Variants in FYCO1 observed in about 807,000 individuals in gnomAD.
The protein encoded by FYCO1 is FYVE and coiled-coil domain-containing protein 1.
A neutral mutation model predicts 165.1 loss-of-function variants in FYCO1; 122 were observed. That is an observed-to-expected ratio of 0.74 (90% CI 0.64 to 0.86). The LOEUF is 0.86. Ranked by LOEUF, FYCO1 falls within the 40% of genes least tolerant of loss-of-function variation. FYCO1 has a pLI of 0.00. For synonymous variants in FYCO1, 648 were observed against 742.5 expected, an observed-to-expected ratio of 0.87 and a Z score of 2.07; for missense variants, 1,702 against 1,810.3, an observed-to-expected ratio of 0.94 and a Z score of 1.09.
At chr3:45,948,675 T>A (rs1157735305) in intron 14 of FYCO1, among the ~76,000 whole-genome samples, 1 of 152,202 alleles carries the variant, frequency 6.6e-6, no homozygotes, top group East Asian at 1.9e-4. Flanking sequence ...GGCTTATGTA[T>A]CCCAAAATCA....
At chr3:45,977,404 T>A (rs1466239598) in intron 4 of FYCO1, among the ~76,000 whole-genome samples, 4 of 84,100 alleles carry the variant, frequency 4.8e-5, no homozygotes, top group Admixed American at 1.4e-4. Flanking sequence ...TATATATATA[T>A]ATAAAGGGAA....
At chr3:45,959,826 A>T (rs1254384303) in intron 11 of FYCO1, among the ~76,000 whole-genome samples, 1 of 152,230 alleles carries the variant, frequency 6.6e-6, no homozygotes. Context: ...GCCACCACTC[A>T]GGCACCTAAA....
At chr3:45,948,901 A>G (rs1474430160) in intron 14 of FYCO1, among the ~76,000 whole-genome samples, 2 of 152,112 alleles carry the variant, frequency 1.3e-5, no homozygotes, top group Non-Finnish European at 1.5e-5. Flanking sequence ...CACCACCTCT[A>G]TGGGTTGGTG....
rs1705557579 is a variant in FYCO1, at chr3:45,959,393, C to G, written c.3587G>C (p.Arg1196Thr). ...GCCAACCCACGAGCTCCCTGCTGAC[C>G]TGCAGTGGTGCCGCCGCACCATCCA... ...FSWMVRRHHC[R>T]ICGRIFCYYC... is the part of the protein sequence containing the mutation. The change falls in exon 12 of 18, where the codon AGG becomes ACG. Residue 1196 changes from arginine to threonine, a missense_variant and splice_region_variant. Transcript: ENST00000296137. 1 of 1,613,840 alleles carries G rather than the reference C, an allele frequency of 6.2e-7. No individual in the cohort carries two copies. Among genetic ancestry groups the G allele is most frequent in the African/African-American group, 1.3e-5 (1 of 74,950 alleles).
chr3:45,965,787 T>C (rs145869714), intron 8 of FYCO1, among the ~76,000 whole-genome samples: 1 of 152,298 alleles, frequency 6.6e-6, no homozygotes, highest in Non-Finnish European at 1.5e-5. Context: ...AAGTCAGGGC[T>C]CTCACACTCA....
At chr3:45,983,360 T>C (rs1220585456) in intron 2 of FYCO1, among the ~76,000 whole-genome samples, 1 of 152,206 alleles carries the variant, frequency 6.6e-6, no homozygotes, top group Non-Finnish European at 1.5e-5. Context: ...GTAGATGCTG[T>C]AGATTTGTAT....
At position 45,931,175 on chromosome 3, in the gene FYCO1, C is replaced by T. The variant is rs184524046; in HGVS notation, c.4147G>A (p.Glu1383Lys). The T allele has an allele frequency of 6.2e-4, 1,008 of 1,614,088 alleles. 12 individuals carry two copies. In the Admixed American group the frequency reaches 0.016, roughly 26 times the overall value. ...TYSLIPITVA[E>K]AGLTISWVFS... ...ACCCAGCTGATGGTGAGGCCTGCCT[C>T]GGCCACAGTGATGGGGATCAGGCTG... The change falls in exon 16 of 18, where the codon GAG becomes AAG. Residue 1383 changes from glutamate (E) to lysine (K), a missense_variant. By Grantham distance (56) the Glu-to-Lys change is moderately conservative. Coordinates refer to ENST00000296137, the MANE Select transcript of FYCO1 (RefSeq NM_024513.4).
In FYCO1 at chr3:45,982,218, A is replaced by G. The variant is rs534850626; in HGVS notation, c.56-542T>C. 4.5e-4 allele frequency among the ~76,000 whole-genome samples: 68 copies of G among 152,248 alleles called. No individual in the cohort carries two copies. In the South Asian group the frequency reaches 0.013, roughly 29 times the overall value. ...CCTTTACATGTATTTTTCTCATTTA[A>G]TATGGCATTGAGAGGCAGGGATTGC... On this transcript the variant is annotated intron_variant, in intron 2 of 17. Coordinates refer to ENST00000296137, the MANE Select transcript of FYCO1 (RefSeq NM_024513.4).
At chr3:45,921,966 T>C in intron 17 of FYCO1, 126 bp from the exon 18 acceptor site, 3 of 717,960 alleles carry the variant, frequency 4.2e-6, no homozygotes, top group Non-Finnish European at 7.7e-6. Flanking sequence ...TGGAGCCCCA[T>C]GCCCCATTTC....
chr3:45,930,890 T>TCCCAAA (rs1703568639), intron 16 of FYCO1, among the ~76,000 whole-genome samples, 181 bp downstream of exon 16: 1 of 152,212 alleles, frequency 6.6e-6, no homozygotes, highest in African/African-American at 2.4e-5. Flanking sequence ...TCTGGGTCTT[T>TCCCAAA]CTCTCCCCAA....
chr3:45,950,910 T>G (rs1435087912), intron 14 of FYCO1, among the ~76,000 whole-genome samples: 1 of 152,158 alleles, frequency 6.6e-6, no homozygotes, highest in Non-Finnish European at 1.5e-5. Flanking sequence ...CCATATCCTG[T>G]TCTCATTTTG....
intron 15 of FYCO1, 148 bp downstream of exon 15, chr3:45,936,300 T>C: frequency 3.1e-6 from 2 of 653,692 alleles, no homozygotes; most frequent in Non-Finnish European, 5.5e-6. Context: ...TTAATGTATA[T>C]AAGCTATGCC....
In FYCO1 at chr3:45,968,146, C is replaced by A; in HGVS notation, c.1188G>T (p.Ala396=). ...KGRQEPIPSD[A]AQEMQELGEK... ...CCCCTAGCTCCTGCATCTCCTGGGC[C>A]GCATCACTGGGAATAGGTTCTTGCC... Residue 396 remains alanine, a synonymous_variant, in exon 8 of 18, where the codon GCG becomes GCT. Coordinates refer to ENST00000296137, the MANE Select transcript of FYCO1 (RefSeq NM_024513.4). 6.2e-7 allele frequency: 1 copy of A among 1,614,122 alleles called. No homozygotes were observed. The highest frequency in any genetic ancestry group is 8.5e-7 in the Non-Finnish European group (1 of 1,180,022).
intron 15 of FYCO1, among the ~76,000 whole-genome samples, chr3:45,934,591 C>CCA (rs1559442751): frequency 6.6e-6 from 1 of 152,216 alleles, no homozygotes; most frequent in African/African-American, 2.4e-5. Context: ...GAATTATATA[C>CCA]CACAGCCAGT....
Position 45,979,838 on chromosome 3 carries a change from G to C in FYCO1, c.163-8C>G. 1 of 1,613,422 alleles carries C rather than the reference G, an allele frequency of 6.2e-7. No homozygotes were observed. The highest frequency in any genetic ancestry group is 8.5e-7 in the Non-Finnish European group (1 of 1,179,584). On this transcript the variant is annotated splice_region_variant and splice_polypyrimidine_tract_variant and intron_variant, in intron 3 of 17. Coordinates refer to ENST00000296137, the MANE Select transcript of FYCO1 (RefSeq NM_024513.4). ...CTTCTCTTTCTGATCAAACTGGGTA[G>C]GGAAAGGGAAAGGGAGAGGAGGTCC...
In FYCO1 at chr3:45,931,242, G is replaced by A. The variant is rs760314255; in HGVS notation, c.4080C>T (p.Phe1360=). 1.1e-5 allele frequency: 17 copies of A among 1,613,768 alleles called. No homozygotes were observed. The Admixed American group carries it at 1.3e-4, about 13-fold the overall frequency. Residue 1360 remains phenylalanine (F), a synonymous_variant, in exon 16 of 18, where the codon TTC becomes TTT. Transcript: ENST00000296137. Reference sequence around the variant, plus strand: ...CAAACAGCTCCCTGCTACCCTCCCCGAAGCTGGCGATCTCATCCACTGTGA... The same window carrying A: ...CAAACAGCTCCCTGCTACCCTCCCCAAAGCTGGCGATCTCATCCACTGTGA... The part of the protein sequence containing the change: ...VPLTVDEIAS[F]GEGSRELFVR...
chr3:45,946,242 C>A, intron 14 of FYCO1: 1 of 479,758 alleles, frequency 2.1e-6, no homozygotes, highest in Non-Finnish European at 3.7e-6. Flanking sequence ...GGGTGAGATC[C>A]TGAGAATTTT....
At chr3:45,986,934 C>G (rs1369806662) in intron 1 of FYCO1, among the ~76,000 whole-genome samples, 1 of 152,118 alleles carries the variant, frequency 6.6e-6, no homozygotes, top group Non-Finnish European at 1.5e-5. Flanking sequence ...AAGACACAGT[C>G]CAGCCCTGGA....
In FYCO1 at chr3:45,967,797, G is replaced by A. The variant is rs141828619; in HGVS notation, c.1537C>T (p.Arg513Trp). 5.9e-5 allele frequency: 96 copies of A among 1,613,758 alleles called. No individual in the cohort carries two copies. In the African/African-American group the frequency reaches 7.2e-4, roughly 12 times the overall value. The stretch of plus-strand genomic sequence containing the variant: ...TGGGTCTCCAGGAACTGCAGCTGCC[G>A]GGTCAGAGACCTGACCTCCTGCTCC... ...LLEQEVRSLTRQLQFLETQLA... is the reference protein window; with the variant it reads ...LLEQEVRSLTWQLQFLETQLA... Residue 513 changes from arginine to tryptophan, a missense_variant, in exon 8 of 18, where the codon CGG becomes TGG. By Grantham distance (101) the Arg-to-Trp change is moderately radical (BLOSUM62 -3). Transcript: ENST00000296137.
Sources: allele counts gnomAD v4.1 joint callset (sites outside exome capture counted in the v4.1 genomes callset), GRCh38; gene constraint gnomAD v4.1.1; transcripts MANE v1.5; gene names NCBI Gene and HGNC (gene_info 2026-07-23, HGNC 2026-07-21).